The following GRIK2 variants were observed in gnomAD, a reference collection of about 807,000 sequenced individuals.
GRIK2 encodes the protein glutamate receptor ionotropic, kainate 2.
GRIK2 carries 32 observed loss-of-function variants against 100.3 expected under a neutral mutation model. The ratio of observed to expected loss-of-function variants is 0.32; its 90% confidence interval spans 0.24 to 0.43. The LOEUF is 0.43. GRIK2 is among the 20% of genes least tolerant of loss of function. The probability of loss-of-function intolerance (pLI) is 1.00; values close to 1 mark genes in which losing one functional copy is unlikely to be tolerated. For missense variants in GRIK2, 843 were observed against 1,114.9 expected (o/e 0.76, Z 3.47); for synonymous variants, 417 against 389.4 (o/e 1.07, Z -0.83).
At chr6:101,690,883 G>A (rs1390761998) in intron 7 of GRIK2, among the ~76,000 whole-genome samples, 1 of 152,118 alleles carries the variant, frequency 6.6e-6, no homozygotes, top group Non-Finnish European at 1.5e-5. Context: ...TGAATGTGCT[G>A]AGTCCTCCAG....
chr6:101,550,758 C>T (rs528679638), intron 2 of GRIK2, among the ~76,000 whole-genome samples: 59 of 152,198 alleles, frequency 3.9e-4, no homozygotes, highest in African/African-American at 6.7e-4. Context: ...GACTGTAGCG[C>T]GATGTGTTAA....
At position 101,762,073 on chromosome 6, in the gene GRIK2, CCCTCCCTTCCTTTCCTTCCTT is replaced by C. The variant is rs1330763503; in HGVS notation, c.952-37533_952-37513del. 8.0e-3 allele frequency among the ~76,000 whole-genome samples: 1,035 copies of C among 129,578 alleles called. 19 individuals are homozygous for C. The highest frequency in any genetic ancestry group is 0.019 in the African/African-American group (598 of 31,510). 85.0% of individuals were successfully genotyped at this position (129,578 alleles called of 152,430 possible). The stretch of plus-strand genomic sequence containing the variant: ...TCCTTCCTTCCCTTCCTTTCCTTTC[CCCTCCCTTCCTTTCCTTCCTT>C]CCTCCCTTCCTTTCCTTCCTTCCTC... On this transcript the variant is annotated intron_variant, in intron 7 of 16. Coordinates refer to ENST00000369134, the MANE Select transcript of GRIK2 (RefSeq NM_021956.5).
intron 7 of GRIK2, among the ~76,000 whole-genome samples, chr6:101,754,306 A>C (rs1178905989): frequency 6.6e-6 from 1 of 152,230 alleles, no homozygotes; most frequent in African/African-American, 2.4e-5. Flanking sequence ...CTCTTTTGAA[A>C]GGCAATATGT....
At chr6:102,042,831 C>A (rs932497919) in intron 15 of GRIK2, among the ~76,000 whole-genome samples, 4 of 151,614 alleles carry the variant, frequency 2.6e-5, no homozygotes, top group African/African-American at 7.3e-5. Context: ...GTCAGAGTTT[C>A]ATGGTTTAAT....
chr6:101,999,250 G>A (rs1794806816), intron 14 of GRIK2, among the ~76,000 whole-genome samples: 1 of 151,956 alleles, frequency 6.6e-6, no homozygotes, highest in Non-Finnish European at 1.5e-5. Context: ...AAACTTTAGA[G>A]TCAGCAAGCC....
chr6:102,011,577 C>CTT (rs763369559), intron 14 of GRIK2, among the ~76,000 whole-genome samples: 8,935 of 76,338 alleles, frequency 0.12, 965 homozygotes, highest in Admixed American at 0.14. Context: ...CTTTCTTTTC[C>CTT]TTTTTTTTTT....
chr6:101,578,106 A>G (rs1225513416), intron 2 of GRIK2, among the ~76,000 whole-genome samples: 1 of 152,226 alleles, frequency 6.6e-6, no homozygotes, highest in East Asian at 1.9e-4. Flanking sequence ...TCTGTACCCT[A>G]GAAGCCATTG....
chr6:101,455,341 T>C (rs538018472), intron 2 of GRIK2, among the ~76,000 whole-genome samples: 2 of 152,280 alleles, frequency 1.3e-5, no homozygotes, highest in African/African-American at 4.8e-5. Flanking sequence ...CAAAATGCCA[T>C]AATTCAAAAC....
At chr6:101,796,423 T>C (rs1780307597) in intron 7 of GRIK2, among the ~76,000 whole-genome samples, 1 of 152,172 alleles carries the variant, frequency 6.6e-6, no homozygotes, top group Admixed American at 6.5e-5. Context: ...AGCACTAGAA[T>C]TTTCACACGG....
chr6:101,491,983 A>C (rs1455084653), intron 2 of GRIK2, among the ~76,000 whole-genome samples: 1 of 151,932 alleles, frequency 6.6e-6, no homozygotes, highest in African/African-American at 2.4e-5. Flanking sequence ...TTTCTGTTAT[A>C]TACTTCATAT....
At chr6:101,531,780 G>T (rs1775456305) in intron 2 of GRIK2, among the ~76,000 whole-genome samples, 1 of 151,792 alleles carries the variant, frequency 6.6e-6, no homozygotes, top group Non-Finnish European at 1.5e-5. Context: ...TCAGAAATCT[G>T]AATGTTGAGC....
At chr6:101,552,124 G>A (rs1391467512) in intron 2 of GRIK2, among the ~76,000 whole-genome samples, 1 of 152,118 alleles carries the variant, frequency 6.6e-6, no homozygotes, top group East Asian at 1.9e-4. Flanking sequence ...ATATCTACTT[G>A]TACTTTAGAA....
At position 101,547,355 on chromosome 6, in the gene GRIK2, C is replaced by A. The variant is rs1173588747; in HGVS notation, c.116-74594C>A. ...TTATTATACTTTAAGTTTTAGGGTA[C>A]ATATGCACAACGTGCAGGTTTGTTA... On this transcript the variant is annotated intron_variant, in intron 2 of 16. Transcript: ENST00000369134. Among the ~76,000 whole-genome samples the A allele has an allele frequency of 2.0e-5, 3 of 151,884 alleles. No homozygotes were observed. In the South Asian group the frequency reaches 6.2e-4, roughly 32 times the overall value.
chr6:101,827,976 C>T, intron 10 of GRIK2, among the ~76,000 whole-genome samples: 1 of 151,980 alleles, frequency 6.6e-6, no homozygotes, highest in African/African-American at 2.4e-5. Context: ...ACAGAATATA[C>T]ATTCTTCTCA....
chr6:101,798,353 TG>T (rs1204237253), intron 7 of GRIK2, among the ~76,000 whole-genome samples: 1 of 152,092 alleles, frequency 6.6e-6, no homozygotes, highest in African/African-American at 2.4e-5. Context: ...AGGCTCAGGA[TG>T]TATGCCTCAA....
At chr6:101,609,198 A>G (rs1312158799) in intron 2 of GRIK2, among the ~76,000 whole-genome samples, 1 of 151,800 alleles carries the variant, frequency 6.6e-6, no homozygotes, top group African/African-American at 2.4e-5. Flanking sequence ...ATGTTTAGAA[A>G]AGAAAAGTTA....
intron 9 of GRIK2, among the ~76,000 whole-genome samples, chr6:101,811,048 A>C (rs1478174814): frequency 6.6e-6 from 1 of 152,108 alleles, no homozygotes. Flanking sequence ...ATTCCCTCAA[A>C]CAGTACTATC....
intron 2 of GRIK2, among the ~76,000 whole-genome samples, chr6:101,526,645 G>A (rs1282797521): frequency 1.3e-5 from 2 of 152,124 alleles, no homozygotes; most frequent in African/African-American, 2.4e-5. Flanking sequence ...GGGTGGTAGA[G>A]CTTAATGCTG....
chr6:101,905,073 A>T (rs1384021923), intron 12 of GRIK2, among the ~76,000 whole-genome samples: 2 of 151,602 alleles, frequency 1.3e-5, no homozygotes, highest in Non-Finnish European at 3.0e-5. Flanking sequence ...ACAAGTATAT[A>T]GTACAAAAAG....
Sources: gnomAD v4.1 joint callset for allele counts (sites outside exome capture counted in the v4.1 genomes callset) on GRCh38, gnomAD v4.1.1 for gene constraint, MANE v1.5 for transcripts, NCBI Gene and HGNC (gene_info 2026-07-23, HGNC 2026-07-21) for gene names.